Variants in NR3C2 observed in about 807,000 individuals in gnomAD.
The protein encoded by NR3C2 is nuclear receptor subfamily 3 group C member 2.
In NR3C2, 15 loss-of-function variants were observed where a neutral mutation model predicts 86.4. The ratio of observed to expected loss-of-function variants is 0.17; its 90% CI spans 0.12 to 0.27. The LOEUF (loss-of-function observed/expected upper bound fraction) is 0.27. Ranked by LOEUF, NR3C2 falls within the 10% of genes least tolerant of loss-of-function variation. The pLI is 1.00. For missense variants in NR3C2, 960 were observed against 1,195.6 expected (o/e 0.80, Z 2.91); for synonymous variants, 458 against 450.5 (o/e 1.02, Z -0.21).
chr4:148,373,743 G>A (rs371639040), intron 2 of NR3C2, among the ~76,000 whole-genome samples: 3 of 152,036 alleles, frequency 2.0e-5, no homozygotes, highest in African/African-American at 4.8e-5. Flanking sequence ...CCCACAAAGT[G>A]TTGGGATTAT....
intron 3 of NR3C2, among the ~76,000 whole-genome samples, chr4:148,202,327 TC>T (rs1056708474): frequency 6.6e-6 from 1 of 152,292 alleles, no homozygotes; most frequent in Admixed American, 6.5e-5. Flanking sequence ...CCTCTCTCCA[TC>T]CCCTTTACTC....
chr4:148,220,254 T>A (rs369182812), intron 3 of NR3C2, among the ~76,000 whole-genome samples: 1 of 152,078 alleles, frequency 6.6e-6, no homozygotes, highest in African/African-American at 2.4e-5. Context: ...ACCCAGATAA[T>A]GTTTTAATTT....
intron 2 of NR3C2, among the ~76,000 whole-genome samples, chr4:148,320,971 G>A (rs1743548685): frequency 6.7e-6 from 1 of 149,102 alleles, no homozygotes; most frequent in Non-Finnish European, 1.5e-5. Flanking sequence ...TGTGATGTTA[G>A]GGTGTCAATT....
chr4:148,320,545 A>C (rs1743507625), intron 2 of NR3C2, among the ~76,000 whole-genome samples: 1 of 143,382 alleles, frequency 7.0e-6, no homozygotes, highest in African/African-American at 2.7e-5. Flanking sequence ...TTATTGCCAC[A>C]ATTTCAGATC....
At chr4:148,132,316 T>G (rs1733078416) in intron 6 of NR3C2, among the ~76,000 whole-genome samples, 1 of 152,226 alleles carries the variant, frequency 6.6e-6, no homozygotes, top group African/African-American at 2.4e-5. Context: ...AAGTGATTTC[T>G]AAGCAACTTT....
intron 2 of NR3C2, among the ~76,000 whole-genome samples, chr4:148,405,457 G>C (rs953284069): frequency 6.6e-6 from 1 of 152,134 alleles, no homozygotes; most frequent in Non-Finnish European, 1.5e-5. Context: ...CACTTGTAGG[G>C]AACGCACAAA....
At chr4:148,201,095 T>TA (rs1163500307) in intron 3 of NR3C2, 2 of 152,214 alleles carry the variant, frequency 1.3e-5, no homozygotes, top group African/African-American at 4.8e-5. Context: ...GGCAGGCACT[T>TA]AGGGCCCTGG....
intron 2 of NR3C2, among the ~76,000 whole-genome samples, chr4:148,336,607 A>C (rs1258988707): frequency 6.6e-6 from 1 of 152,182 alleles, no homozygotes; most frequent in East Asian, 1.9e-4. Flanking sequence ...GCAAGGCCCC[A>C]GGAGAAGTAA....
chr4:148,213,206 GCA>G (rs1737366940), intron 3 of NR3C2, among the ~76,000 whole-genome samples: 1 of 151,774 alleles, frequency 6.6e-6, no homozygotes, highest in African/African-American at 2.4e-5. Flanking sequence ...CAGTGCCACA[GCA>G]CACACAGTGC....
At chr4:148,320,747 G>C (rs1003747533) in intron 2 of NR3C2, among the ~76,000 whole-genome samples, 1 of 151,652 alleles carries the variant, frequency 6.6e-6, no homozygotes, top group Non-Finnish European at 1.5e-5. Flanking sequence ...TTTTTATTGC[G>C]TCTATTTGAT....
At chr4:148,340,111 G>A (rs1253389456) in intron 2 of NR3C2, among the ~76,000 whole-genome samples, 1 of 151,906 alleles carries the variant, frequency 6.6e-6, no homozygotes, top group Non-Finnish European at 1.5e-5. Flanking sequence ...TCATTAAAAT[G>A]TCCCTATCAA....
At chr4:148,250,855 C>G (rs1056858898) in intron 3 of NR3C2, among the ~76,000 whole-genome samples, 10 of 152,170 alleles carry the variant, frequency 6.6e-5, no homozygotes, top group African/African-American at 2.4e-4. Flanking sequence ...AACTGATCCA[C>G]CATCCAGTGC....
At chr4:148,094,746 A>C (rs371448189) in intron 8 of NR3C2, among the ~76,000 whole-genome samples, 994 of 93,202 alleles carry the variant, frequency 0.011, 10 homozygotes, top group African/African-American at 0.054. Flanking sequence ...CAAAAAAACA[A>C]AAAAAAAACA....
chr4:148,152,064 C>A (rs61757901), intron 6 of NR3C2, among the ~76,000 whole-genome samples: 2,920 of 152,186 alleles, frequency 0.019, 37 homozygotes, highest in Non-Finnish European at 0.028. Flanking sequence ...ACAAAAGAAC[C>A]ATTATATGAG....
chr4:148,349,881 TAA>T (rs1745186471), intron 2 of NR3C2, among the ~76,000 whole-genome samples: 1 of 152,110 alleles, frequency 6.6e-6, no homozygotes, highest in Non-Finnish European at 1.5e-5. Flanking sequence ...GCTCCCAAGG[TAA>T]TGTTATAAGG....
chr4:148,315,896 G>A (rs1472425187), intron 2 of NR3C2, among the ~76,000 whole-genome samples: 1 of 152,106 alleles, frequency 6.6e-6, no homozygotes, highest in Non-Finnish European at 1.5e-5. Flanking sequence ...AATGAAAACA[G>A]TTTTGTGATA....
At chr4:148,161,954 G>A (rs1734681730) in intron 4 of NR3C2, among the ~76,000 whole-genome samples, 1 of 152,176 alleles carries the variant, frequency 6.6e-6, no homozygotes, top group Non-Finnish European at 1.5e-5. Context: ...CTCCATGGGA[G>A]CGCACACTAT....
At chr4:148,343,455 T>TA (rs1471362199) in intron 2 of NR3C2, among the ~76,000 whole-genome samples, 1 of 149,164 alleles carries the variant, frequency 6.7e-6, no homozygotes, top group Non-Finnish European at 1.5e-5. Context: ...GCAGAGAGGT[T>TA]AGAATACTGG....
At position 148,384,166 on chromosome 4, in the gene NR3C2, G is replaced by A. The variant is rs118187206; in HGVS notation, c.1757+50938C>T. Among the ~76,000 whole-genome samples the A allele has an allele frequency of 1.1e-3, 169 of 151,630 alleles. 2 individuals carry two copies. The East Asian group carries it at 0.022, about 20-fold the overall frequency. On this transcript the variant is annotated intron_variant, in intron 2 of 8. Coordinates refer to ENST00000358102, the MANE Select transcript of NR3C2 (RefSeq NM_000901.5). ...ATTTAAATGATCATTTATAATAAAT[G>A]ATTCATATTTTCTATTACCAAAAAT...
Sources: allele counts gnomAD v4.1 joint callset (sites outside exome capture counted in the v4.1 genomes callset), GRCh38; gene constraint gnomAD v4.1.1; transcripts MANE v1.5; gene names NCBI Gene and HGNC (gene_info 2026-07-23, HGNC 2026-07-21).